Variants in ALPK1 observed in about 807,000 individuals in gnomAD.
ALPK1 encodes the protein alpha-protein kinase 1.
In ALPK1, 110 loss-of-function variants were observed where a neutral mutation model predicts 120.6. That is an observed-to-expected ratio of 0.91 (90% CI 0.78 to 1.07). The LOEUF (loss-of-function observed/expected upper bound fraction) is 1.07, where lower values mean the gene tolerates loss of function less well. ALPK1 is among the 50% of genes least tolerant of loss of function. ALPK1 has a pLI of 0.00. For synonymous variants in ALPK1, 582 were observed against 560.3 expected (o/e 1.04, Z -0.55); for missense variants, 1,498 against 1,483.9 (o/e 1.01, Z -0.16).
At chr4:112,358,123 T>C in intron 2 of ALPK1, 1 of 605,554 alleles carries the variant, frequency 1.7e-6, no homozygotes. Context: ...AGGTTGGGGC[T>C]GGGGGCCAGT....
intron 5 of ALPK1, among the ~76,000 whole-genome samples, chr4:112,421,872 G>T (rs146137652): frequency 1.1e-3 from 164 of 152,314 alleles, no homozygotes; most frequent in African/African-American, 3.5e-3. Flanking sequence ...TTTGGCATAT[G>T]AATTTTTTCC....
At chr4:112,418,807 G>A (rs1298792122) in intron 5 of ALPK1, among the ~76,000 whole-genome samples, 1 of 152,162 alleles carries the variant, frequency 6.6e-6, no homozygotes, top group Non-Finnish European at 1.5e-5. Context: ...GTAACTGAAA[G>A]CCTCCAGCAA....
chr4:112,400,307 A>G (rs1353125752), intron 4 of ALPK1, among the ~76,000 whole-genome samples: 1 of 152,234 alleles, frequency 6.6e-6, no homozygotes, highest in Non-Finnish European at 1.5e-5. Context: ...CACACTTACC[A>G]GAGAAGGGTA....
intron 1 of ALPK1, among the ~76,000 whole-genome samples, chr4:112,305,493 T>C (rs1728002617): frequency 6.6e-6 from 1 of 152,060 alleles, no homozygotes; most frequent in Non-Finnish European, 1.5e-5. Flanking sequence ...TTCCTAGGTA[T>C]TTTATTCTCT....
intron 2 of ALPK1, chr4:112,358,987 T>C: frequency 2.6e-6 from 2 of 767,358 alleles, no homozygotes; most frequent in Non-Finnish European, 4.9e-6. Flanking sequence ...TTTGAGGAGG[T>C]CTGTATACAG....
rs774069152 is a variant in ALPK1 at position 112,424,001 on chromosome 4, C to T, written c.533C>T (p.Thr178Met). Reference protein sequence around the residue: ...LSSLISNNGATGTWLYRNESD... With the variant: ...LSSLISNNGAMGTWLYRNESD... Reference sequence around the variant, plus strand: ...AGTCTAATAAGCAACAATGGAGCAACGGGTGAGTACTTTCATATCTTCACA... The same window carrying T: ...AGTCTAATAAGCAACAATGGAGCAATGGGTGAGTACTTTCATATCTTCACA... Residue 178 changes from threonine to methionine, a missense_variant and splice_region_variant, in exon 6 of 16, where the codon ACG becomes ATG. Thr to Met is a moderately conservative substitution (Grantham distance 81). Coordinates refer to ENST00000650871, the MANE Select transcript of ALPK1 (RefSeq NM_025144.4). 1.5e-5 allele frequency: 25 copies of T among 1,613,408 alleles called. No homozygotes were observed. In the South Asian group the frequency reaches 1.8e-4, roughly 11 times the overall value.
intron 11 of ALPK1, among the ~76,000 whole-genome samples, 171 bp downstream of exon 11, chr4:112,432,752 T>C (rs531068244): frequency 6.6e-6 from 1 of 152,286 alleles, no homozygotes; most frequent in East Asian, 1.9e-4. Flanking sequence ...CTCTGTGCGA[T>C]GGACCTTAAT....
At chr4:112,426,343 T>A in intron 7 of ALPK1, 124 bp from the exon 8 acceptor site, 1 of 651,282 alleles carries the variant, frequency 1.5e-6, no homozygotes, top group Non-Finnish European at 2.6e-6. Flanking sequence ...TAAGCCTAAG[T>A]TTTCCTAACA....
At chr4:112,304,181 G>C (rs1272745524) in intron 1 of ALPK1, among the ~76,000 whole-genome samples, 1 of 151,360 alleles carries the variant, frequency 6.6e-6, no homozygotes, top group Non-Finnish European at 1.5e-5. Context: ...CCAAGTCTTT[G>C]CTATTGTGAA....
At chr4:112,351,319 G>C (rs954324714) in intron 2 of ALPK1, among the ~76,000 whole-genome samples, 1 of 152,122 alleles carries the variant, frequency 6.6e-6, no homozygotes, top group African/African-American at 2.4e-5. Context: ...GAGAGATAGA[G>C]GGAAGGGACA....
rs76062930 is a variant in ALPK1 at position 112,371,239 on chromosome 4, C to A, written c.-100-6439C>A. On this transcript the variant is annotated intron_variant, in intron 2 of 15. Coordinates refer to ENST00000650871, the MANE Select transcript of ALPK1 (RefSeq NM_025144.4). ...CTTCCTGCAGTTACCTCCCGGCAAACCCCCACCCTAACGTACGCACTACAG... is the reference window on the plus strand; with the variant it reads ...CTTCCTGCAGTTACCTCCCGGCAAAACCCCACCCTAACGTACGCACTACAG... 7.3e-4 allele frequency among the ~76,000 whole-genome samples: 111 copies of A among 152,286 alleles called. 1 individual carries two copies. In the East Asian group the frequency reaches 0.018, roughly 25 times the overall value.
At chr4:112,410,563 A>G (rs1733408524) in intron 4 of ALPK1, among the ~76,000 whole-genome samples, 1 of 152,234 alleles carries the variant, frequency 6.6e-6, no homozygotes, top group Non-Finnish European at 1.5e-5. Flanking sequence ...GGCAATACTT[A>G]CAATGCTTTC....
At chr4:112,439,579 TCA>T in intron 13 of ALPK1, 105 bp from the exon 14 acceptor site, 1 of 857,330 alleles carries the variant, frequency 1.2e-6, no homozygotes. Flanking sequence ...AAATTGAAGC[TCA>T]GAGAAGCAAA....
chr4:112,378,407 A>G lies in ALPK1; in HGVS notation c.121+509A>G, dbSNP rs1179472569. 3.3e-5 allele frequency among the ~76,000 whole-genome samples: 5 copies of G among 152,332 alleles called. No individual in the cohort carries two copies. In the East Asian group the frequency reaches 9.6e-4, roughly 29 times the overall value. On this transcript the variant is annotated intron_variant, in intron 3 of 15. Transcript: ENST00000650871. ...TTGTAAAATAAATTCTCTCATCTCGATAAATACTGATTGCATCATTATCAG... is the reference window on the plus strand; with the variant it reads ...TTGTAAAATAAATTCTCTCATCTCGGTAAATACTGATTGCATCATTATCAG...
chr4:112,440,812 AGTGTGTGT>A lies in ALPK1; in HGVS notation c.3539-80_3539-73del, dbSNP rs71595596. 54 of 1,328,156 alleles carry A rather than the reference AGTGTGTGT, an allele frequency of 4.1e-5. 1 individual carries two copies. The highest frequency in any genetic ancestry group is 1.4e-4 in the African/African-American group (9 of 65,584). The allele number at this position is 1,328,156 out of a possible 1,614,324, so 82.3% of individuals were successfully genotyped here. On this transcript the variant is annotated intron_variant, in intron 14 of 15. Coordinates refer to ENST00000650871, the MANE Select transcript of ALPK1 (RefSeq NM_025144.4). ...GCCAAGTTTTTGAATTATCTCTTTA[AGTGTGTGT>A]GTGTGTGTGTGTGTGTGTGTGTGTA... is the stretch of plus-strand genomic sequence containing the variant.
intron 2 of ALPK1, 90 bp downstream of exon 2, chr4:112,315,942 A>G (rs547827721): frequency 6.6e-6 from 1 of 152,252 alleles, no homozygotes; most frequent in Non-Finnish European, 1.5e-5. Context: ...GAAGAGGAAA[A>G]CAATAGAAAA....
intron 4 of ALPK1, among the ~76,000 whole-genome samples, chr4:112,407,542 C>T (rs1356061638): frequency 1.3e-5 from 2 of 152,128 alleles, no homozygotes; most frequent in African/African-American, 4.8e-5. Context: ...TTTTGCCTAG[C>T]TCTGACTCTT....
rs780637095 is a variant in ALPK1, at chr4:112,430,612, C to T, written c.1065C>T (p.Val355=). The change falls in exon 11 of 16, where the codon GTC becomes GTT. Residue 355 remains valine (V), a synonymous_variant. Transcript: ENST00000650871. The part of the protein sequence containing the change: ...VTGKQELHSF[V]KAAFGLTTVH... ...GAAAACAGGAGCTTCACAGCTTTGT[C>T]AAAGCTGCTTTCGGTCTCACCACAG... 1 of 1,614,086 alleles carries T rather than the reference C, an allele frequency of 6.2e-7. No individual in the cohort carries two copies. Among genetic ancestry groups the T allele is most frequent in the South Asian group, 1.1e-5 (1 of 91,052 alleles).
At position 112,340,020 on chromosome 4, in the gene ALPK1, G is replaced by A. The variant is rs538770756; in HGVS notation, c.-101+24168G>A. On this transcript the variant is annotated intron_variant, in intron 2 of 15. Coordinates refer to ENST00000650871, the MANE Select transcript of ALPK1 (RefSeq NM_025144.4). ...CTTTCAGAATGGTAACTTGGATTTC[G>A]GCCTCCTTGTAATTCTCCCTGATGA... 4.6e-5 allele frequency among the ~76,000 whole-genome samples: 7 copies of A among 152,280 alleles called. No individual in the cohort carries two copies. In the East Asian group the frequency reaches 5.8e-4, roughly 13 times the overall value.
Sources: gnomAD v4.1 joint callset for allele counts (sites outside exome capture counted in the v4.1 genomes callset) on GRCh38, gnomAD v4.1.1 for gene constraint, MANE v1.5 for transcripts, NCBI Gene and HGNC (gene_info 2026-07-23, HGNC 2026-07-21) for gene names.